Variants in ACER3 observed in about 807,000 individuals in gnomAD.
ACER3 encodes alkaline ceramidase 3.
A neutral mutation model predicts 48.9 loss-of-function variants in ACER3; 16 were observed. That is an observed-to-expected ratio of 0.33 (90% CI 0.22 to 0.50). The LOEUF (loss-of-function observed/expected upper bound fraction) is 0.50, where lower values mean the gene tolerates loss of function less well. ACER3 is among the 20% of genes least tolerant of loss of function. The probability of loss-of-function intolerance (pLI) is 0.98; values close to 1 mark genes in which losing one functional copy is unlikely to be tolerated. For synonymous variants in ACER3, 109 were observed against 107.8 expected, an observed-to-expected ratio of 1.01 and a Z score of -0.07; for missense variants, 227 against 326.0, an observed-to-expected ratio of 0.70 and a Z score of 2.34.
chr11:76,866,862 T>C (rs1036772696), intron 1 of ACER3, among the ~76,000 whole-genome samples: 1 of 152,194 alleles, frequency 6.6e-6, no homozygotes, highest in Non-Finnish European at 1.5e-5. Context: ...GAGTTTCAGG[T>C]GCTGTTGGTT....
intron 2 of ACER3, 68 bp from the exon 3 acceptor site, chr11:76,958,911 G>A: frequency 6.6e-7 from 1 of 1,524,132 alleles, no homozygotes; most frequent in Non-Finnish European, 9.1e-7. Flanking sequence ...ATGTCTTATT[G>A]TCTTCTCAGG....
intron 4 of ACER3, among the ~76,000 whole-genome samples, chr11:76,984,463 T>C (rs747301286): frequency 1.1e-4 from 17 of 152,264 alleles, no homozygotes; most frequent in Non-Finnish European, 2.1e-4. Flanking sequence ...TCCTTACAAA[T>C]AAGAAAATAA....
chr11:76,957,956 T>C (rs1418994212), intron 2 of ACER3, among the ~76,000 whole-genome samples: 3 of 151,412 alleles, frequency 2.0e-5, no homozygotes, highest in African/African-American at 7.3e-5. Context: ...TTTAATTTTA[T>C]TATTATTATC....
chr11:76,957,892 A>T (rs1238865527), intron 2 of ACER3, among the ~76,000 whole-genome samples: 1 of 152,152 alleles, frequency 6.6e-6, no homozygotes, highest in African/African-American at 2.4e-5. Context: ...TAGTTTATTT[A>T]AAATGGAGGC....
chr11:76,924,993 A>AAAAC (rs1555002082), intron 1 of ACER3, among the ~76,000 whole-genome samples: 2 of 149,760 alleles, frequency 1.3e-5, no homozygotes, highest in Non-Finnish European at 3.0e-5. Context: ...AAAAAAAAAA[A>AAAAC]CACCAAAAAT....
chr11:76,925,435 A>G (rs999360100), intron 1 of ACER3, among the ~76,000 whole-genome samples: 1 of 152,170 alleles, frequency 6.6e-6, no homozygotes, highest in African/African-American at 2.4e-5. Context: ...TTATAGTACA[A>G]TTTTTCCAAC....
chr11:76,907,346 C>CA (rs1307254810), intron 1 of ACER3, among the ~76,000 whole-genome samples: 1 of 121,180 alleles, frequency 8.3e-6, no homozygotes, highest in African/African-American at 2.5e-5. Flanking sequence ...CTATTTCAAG[C>CA]AAATTTATTG....
chr11:76,868,260 A>G (rs771570304), intron 1 of ACER3: 12 of 1,287,728 alleles, frequency 9.3e-6, no homozygotes, highest in Non-Finnish European at 1.2e-5. Flanking sequence ...TCTGAAGGTT[A>G]TTGACAGGCA....
At chr11:77,009,120 C>G (rs1555021600) in intron 7 of ACER3, among the ~76,000 whole-genome samples, 1 of 152,160 alleles carries the variant, frequency 6.6e-6, no homozygotes, top group Non-Finnish European at 1.5e-5. Flanking sequence ...TAAAGAAATA[C>G]TGGAGACTAG....
intron 1 of ACER3, among the ~76,000 whole-genome samples, chr11:76,901,194 A>T (rs1199520098): frequency 2.0e-5 from 3 of 151,120 alleles, no homozygotes; most frequent in African/African-American, 7.3e-5. Context: ...AAGGGGGTAG[A>T]TCACTTTGAT....
At position 77,005,219 on chromosome 11, in the gene ACER3, G is replaced by A. The variant is rs1448338177; in HGVS notation, c.497+6398G>A. On this transcript the variant is annotated intron_variant, in intron 7 of 10. Coordinates refer to ENST00000532485, the MANE Select transcript of ACER3 (RefSeq NM_018367.7). ...ACCCGGCTAATTTTTTGTATTTTTA[G>A]TAGAGACGGGTTTCACCGTGTTAGC... is the stretch of plus-strand genomic sequence containing the variant. 2.6e-5 allele frequency among the ~76,000 whole-genome samples: 4 copies of A among 151,908 alleles called. No individual in the cohort carries two copies. In the East Asian group the frequency reaches 7.8e-4, roughly 29 times the overall value.
chr11:77,013,407 G>GAAT (rs1949307183), intron 7 of ACER3, among the ~76,000 whole-genome samples: 1 of 152,038 alleles, frequency 6.6e-6, no homozygotes, highest in Non-Finnish European at 1.5e-5. Flanking sequence ...TCTTAAAACT[G>GAAT]AATAATAAGA....
intron 1 of ACER3, among the ~76,000 whole-genome samples, chr11:76,905,837 T>C (rs7101593): frequency 0.72 from 109,938 of 152,146 alleles, 40,143 homozygotes; most frequent in African/African-American, 0.78. Context: ...ACACTTATTT[T>C]GATAAAACAA....
chr11:76,893,793 C>T (rs1172305917), intron 1 of ACER3, among the ~76,000 whole-genome samples: 3 of 152,164 alleles, frequency 2.0e-5, no homozygotes, highest in Admixed American at 6.5e-5. Flanking sequence ...TCAGATAATG[C>T]AATTAAATTC....
rs1360735357 is a variant in ACER3 at position 76,860,946 on chromosome 11, G to A, written c.-31G>A. ...GCCAGCCTAACCCGGCACAGTGAGC[G>A]GAGCGCCTGGGCGGCGGCGGCGGCG... On this transcript the variant is annotated 5_prime_UTR_variant, in exon 1 of 11. Coordinates refer to ENST00000532485, the MANE Select transcript of ACER3 (RefSeq NM_018367.7). The A allele has an allele frequency of 6.7e-7, 1 of 1,490,620 alleles. No homozygotes were observed. The highest frequency in any genetic ancestry group is 1.2e-5 in the South Asian group (1 of 81,602). 92.3% of individuals were successfully genotyped at this position (1,490,620 alleles called of 1,614,324 possible).
intron 9 of ACER3, among the ~76,000 whole-genome samples, chr11:77,018,075 A>T (rs1949405091): frequency 6.6e-6 from 1 of 150,806 alleles, no homozygotes; most frequent in Admixed American, 6.7e-5. Context: ...AGTAGCCAGG[A>T]TCACAGGCAA....
rs184686022 is a variant in ACER3 at position 76,954,085 on chromosome 11, T to C, written c.215-4894T>C. 6.3e-3 allele frequency among the ~76,000 whole-genome samples: 960 copies of C among 151,980 alleles called. 5 individuals carry two copies. Among genetic ancestry groups the C allele is most frequent in the Middle Eastern group, 0.017 (5 of 294 alleles). On this transcript the variant is annotated intron_variant, in intron 2 of 10. Coordinates refer to ENST00000532485, the MANE Select transcript of ACER3 (RefSeq NM_018367.7). ...GCCTCAGCCTCCCAAGTAGTTGGGATTACAGGCTTGCACCACCACGCCCAG... is the reference window on the plus strand; with the variant it reads ...GCCTCAGCCTCCCAAGTAGTTGGGACTACAGGCTTGCACCACCACGCCCAG...
At chr11:76,967,177 C>A (rs1195439359) in intron 3 of ACER3, among the ~76,000 whole-genome samples, 2 of 152,166 alleles carry the variant, frequency 1.3e-5, no homozygotes, top group African/African-American at 2.4e-5. Context: ...ATACTATAAA[C>A]ACCTCTATGC....
chr11:76,870,376 C>T (rs1035054508), intron 1 of ACER3, among the ~76,000 whole-genome samples: 3 of 152,100 alleles, frequency 2.0e-5, no homozygotes, highest in African/African-American at 4.8e-5. Flanking sequence ...TCAAGTGATC[C>T]TCCCACCTCA....
Sources: allele counts gnomAD v4.1 joint callset (sites outside exome capture counted in the v4.1 genomes callset), GRCh38; gene constraint gnomAD v4.1.1; transcripts MANE v1.5; gene names NCBI Gene and HGNC (gene_info 2026-07-23, HGNC 2026-07-21).